Variants in CNKSR2 observed in about 807,000 individuals in gnomAD.
The protein encoded by CNKSR2 is connector enhancer of kinase suppressor of Ras 2, also known as CNK homolog protein 2.
Under a neutral mutation model 84.4 loss-of-function variants are expected in CNKSR2, and 14 were observed. The observed-to-expected ratio is 0.17, with a 90% CI of 0.11 to 0.26. The LOEUF (loss-of-function observed/expected upper bound fraction) is 0.26, where lower values mean the gene tolerates loss of function less well. Among genes scored for constraint, CNKSR2 ranks in the 10% least tolerant of loss-of-function variants. CNKSR2 has a pLI of 1.00. For missense variants in CNKSR2, 485 were observed against 771.2 expected (o/e 0.63, Z 4.40); for synonymous variants, 275 against 277.9 (o/e 0.99, Z 0.10).
chrX:21,477,971 A>G (rs897165018), intron 5 of CNKSR2, among the ~76,000 whole-genome samples: 6 of 112,023 alleles, frequency 5.4e-5, no homozygotes, highest in Non-Finnish European at 7.5e-5. Flanking sequence ...TCTAAAAGCT[A>G]TGATCTTGAT....
At chrX:21,397,592 G>A (rs1413232969) in intron 1 of CNKSR2, among the ~76,000 whole-genome samples, 1 of 111,129 alleles carries the variant, frequency 9.0e-6, no homozygotes, top group Admixed American at 9.6e-5. Flanking sequence ...AGGGGAGTGG[G>A]GATGGGGAAT....
At chrX:21,565,196 A>G (rs926545367) in intron 13 of CNKSR2, among the ~76,000 whole-genome samples, 4 of 111,633 alleles carry the variant, frequency 3.6e-5, no homozygotes, top group Admixed American at 9.5e-5. Flanking sequence ...TTATCCTGAG[A>G]GTAGTGAGTC....
intron 20 of CNKSR2, among the ~76,000 whole-genome samples, chrX:21,635,125 G>T (rs941849595): frequency 6.5e-5 from 7 of 108,504 alleles, no homozygotes; most frequent in African/African-American, 2.3e-4. Flanking sequence ...TTCTGCTTGT[G>T]TGTGGGGGAG....
At chrX:21,436,654 T>C (rs1258824448) in intron 3 of CNKSR2, among the ~76,000 whole-genome samples, 1 of 111,929 alleles carries the variant, frequency 8.9e-6, no homozygotes, top group Non-Finnish European at 1.9e-5. Flanking sequence ...GTAAGTACCC[T>C]GAACTCTACT....
In CNKSR2 at chrX:21,516,496, G is replaced by A; in HGVS notation, c.822G>A (p.Gln274=). Residue 274 remains glutamine, a synonymous_variant, in exon 9 of 22, where the codon CAG becomes CAA. Transcript: ENST00000379510. ...QVNHQTVVGW[Q]LKNLVNALRE... is the part of the protein sequence containing the mutation. ...TTGCTGGTTACCAGGTGGGGTGGCA[G>A]TTGAAAAATTTGGTGAATGCACTAC... The A allele has an allele frequency of 8.3e-7, 1 of 1,207,034 alleles. No individual in the cohort carries two copies. Among genetic ancestry groups the A allele is most frequent in the Non-Finnish European group, 1.1e-6 (1 of 893,487 alleles).
At chrX:21,536,200 G>A (rs2091926472) in intron 11 of CNKSR2, among the ~76,000 whole-genome samples, 1 of 110,924 alleles carries the variant, frequency 9.0e-6, no homozygotes, top group Non-Finnish European at 1.9e-5. Context: ...TGCATCTCTG[G>A]GTTAAATCTC....
At chrX:21,394,208 A>T (rs2090089734) in intron 1 of CNKSR2, among the ~76,000 whole-genome samples, 1 of 112,344 alleles carries the variant, frequency 8.9e-6, no homozygotes, top group Non-Finnish European at 1.9e-5. Flanking sequence ...AAAAGAATTT[A>T]TTACTGTACA....
At chrX:21,481,572 A>G (rs1226827193) in intron 5 of CNKSR2, among the ~76,000 whole-genome samples, 1 of 111,147 alleles carries the variant, frequency 9.0e-6, no homozygotes, top group Non-Finnish European at 1.9e-5. Flanking sequence ...TTAGGTTTTG[A>G]TCTATGGCAA....
chrX:21,397,882 C>T (rs2090140030), intron 1 of CNKSR2, among the ~76,000 whole-genome samples: 2 of 111,370 alleles, frequency 1.8e-5, no homozygotes. Flanking sequence ...TATTACATGT[C>T]AATTTAAAAA....
chrX:21,541,628 A>C (rs2091977835), intron 11 of CNKSR2, among the ~76,000 whole-genome samples: 1 of 110,926 alleles, frequency 9.0e-6, no homozygotes, highest in African/African-American at 3.3e-5. Flanking sequence ...AGTTTCCAAG[A>C]ACCTAGAGAC....
intron 20 of CNKSR2, among the ~76,000 whole-genome samples, chrX:21,611,337 CTG>C (rs1365466469): frequency 3.6e-5 from 4 of 112,284 alleles, no homozygotes; most frequent in African/African-American, 1.3e-4. Context: ...TTAAGATAAA[CTG>C]TGTTGAAATT....
At chrX:21,591,792 T>A (rs904168395) in intron 15 of CNKSR2, 1 of 110,638 alleles carries the variant, frequency 9.0e-6, no homozygotes, top group Non-Finnish European at 1.9e-5. Context: ...TCCAGAGGAG[T>A]CATATCAAAA....
chrX:21,599,842 T>TA (rs1437016488), intron 17 of CNKSR2, among the ~76,000 whole-genome samples: 3 of 111,741 alleles, frequency 2.7e-5, no homozygotes, highest in African/African-American at 9.8e-5. Flanking sequence ...CAAATCAACT[T>TA]AGACTAAATT....
intron 13 of CNKSR2, among the ~76,000 whole-genome samples, chrX:21,575,229 G>A (rs2092311444): frequency 9.0e-6 from 1 of 111,201 alleles, no homozygotes; most frequent in Non-Finnish European, 1.9e-5. Context: ...AACAGTTTTG[G>A]TGAATGCTAG....
intron 21 of CNKSR2, among the ~76,000 whole-genome samples, chrX:21,650,424 C>T (rs1478770849): frequency 3.0e-3 from 5 of 1,644 alleles, no homozygotes; most frequent in South Asian, 0.043. Flanking sequence ...TGGGGCCTGT[C>T]GGGGGGTGGG....
At chrX:21,572,246 G>A (rs1170288846) in intron 13 of CNKSR2, among the ~76,000 whole-genome samples, 2 of 111,925 alleles carry the variant, frequency 1.8e-5, no homozygotes, top group Admixed American at 9.5e-5. Flanking sequence ...GATGACTGAG[G>A]TCTGACCCAG....
Position 21,539,748 on chromosome X carries a change from A to G in CNKSR2, c.1303+7681A>G, listed in dbSNP as rs759882413. ...GTGTGTGCACAGTAGTGTAATCTCC[A>G]TATGATATCTTTGTCTATAGTCACT... On this transcript the variant is annotated intron_variant, in intron 11 of 21. Transcript: ENST00000379510. Among the ~76,000 whole-genome samples the G allele has an allele frequency of 9.0e-5, 10 of 111,067 alleles. No homozygotes were observed. The South Asian group carries it at 1.1e-3, about 12-fold the overall frequency.
At chrX:21,451,617 A>G (rs2090930320) in intron 4 of CNKSR2, among the ~76,000 whole-genome samples, 1 of 98,834 alleles carries the variant, frequency 1.0e-5, no homozygotes, top group Non-Finnish European at 2.0e-5. Context: ...CAAACACCGC[A>G]TGTTCTCACT....
At chrX:21,404,849 T>C (rs757756261) in intron 1 of CNKSR2, among the ~76,000 whole-genome samples, 28 of 108,596 alleles carry the variant, frequency 2.6e-4, no homozygotes, top group South Asian at 2.4e-3. Flanking sequence ...ATTACTTTTT[T>C]CCCAGATGGA....
Sources: allele counts gnomAD v4.1 joint callset (sites outside exome capture counted in the v4.1 genomes callset), GRCh38; gene constraint gnomAD v4.1.1; transcripts MANE v1.5; gene names NCBI Gene and HGNC (gene_info 2026-07-23, HGNC 2026-07-21).